The following GAB2 variants were observed in gnomAD, a reference collection of about 807,000 sequenced individuals.
GAB2 encodes GRB2 associated binding protein 2, also known as GRB2-associated-binding protein 2.
Under a neutral mutation model 65.5 loss-of-function variants are expected in GAB2, and 26 were observed. The observed-to-expected ratio is 0.40, with a 90% CI of 0.29 to 0.55. The LOEUF is 0.55. Ranked by LOEUF, GAB2 falls within the 20% of genes least tolerant of loss-of-function variation. The pLI is 0.53. For synonymous variants in GAB2, 321 were observed against 329.6 expected (o/e 0.97, Z 0.28); for missense variants, 884 against 875.8 (o/e 1.01, Z -0.12).
intron 2 of GAB2, among the ~76,000 whole-genome samples, chr11:78,253,404 G>C (rs926411400): frequency 1.7e-4 from 26 of 152,054 alleles, no homozygotes; most frequent in Non-Finnish European, 2.9e-5. Flanking sequence ...CAATCTTCCT[G>C]CCTTAGCCTC....
At chr11:78,345,529 T>C (rs1757476992) in intron 1 of GAB2, among the ~76,000 whole-genome samples, 1 of 152,200 alleles carries the variant, frequency 6.6e-6, no homozygotes, top group African/African-American at 2.4e-5. Context: ...ACACACATTT[T>C]GTAATTCATT....
intron 1 of GAB2, among the ~76,000 whole-genome samples, chr11:78,337,209 C>T (rs1270801536): frequency 6.6e-6 from 1 of 152,236 alleles, no homozygotes; most frequent in African/African-American, 2.4e-5. Flanking sequence ...TAATCATTTG[C>T]TTCTCAGCGT....
In GAB2 at chr11:78,217,310, G is replaced by A. The variant is rs1864196511; in HGVS notation, c.*1962C>T. The A allele has an allele frequency of 6.6e-6, 1 of 152,210 alleles. No homozygotes were observed. Among genetic ancestry groups the A allele is most frequent in the South Asian group, 2.1e-4 (1 of 4,824 alleles). The allele number at this position is 152,210 out of a possible 1,614,324, so 9.4% of individuals were successfully genotyped here. A position where few individuals can be genotyped will look rare whatever the true frequency, so the allele number is the denominator to read the frequency against. On this transcript the variant is annotated 3_prime_UTR_variant, in exon 10 of 10. Transcript: ENST00000361507. Reference sequence around the variant, plus strand: ...TCTGATTGATTCTTGTGTCCTTAGTGCTTAACCCCAGAAACTGGAGACAGC... The same window carrying A: ...TCTGATTGATTCTTGTGTCCTTAGTACTTAACCCCAGAAACTGGAGACAGC...
Position 78,332,864 on chromosome 11 carries a change from A to T in GAB2, c.76-51963T>A, listed in dbSNP as rs369470473. Among the ~76,000 whole-genome samples the T allele has an allele frequency of 3.3e-5, 5 of 152,314 alleles. No homozygotes were observed. The East Asian group carries it at 9.6e-4, about 29-fold the overall frequency. On this transcript the variant is annotated intron_variant, in intron 1 of 9. Coordinates refer to ENST00000361507, the MANE Select transcript of GAB2 (RefSeq NM_080491.3). Reference sequence around the variant, plus strand: ...GAGTTCCCTCATGCCCTAGAGTCTGAGCAGAAATTTGAAGATATAGTTTTT... The same window carrying T: ...GAGTTCCCTCATGCCCTAGAGTCTGTGCAGAAATTTGAAGATATAGTTTTT...
intron 1 of GAB2, among the ~76,000 whole-genome samples, chr11:78,320,006 G>T (rs1855692235): frequency 6.6e-6 from 1 of 151,920 alleles, no homozygotes; most frequent in Admixed American, 6.6e-5. Context: ...CTCCTGAGTA[G>T]CTGGGATTAC....
Position 78,217,206 on chromosome 11 carries a change from C to T in GAB2, c.*2066G>A, listed in dbSNP as rs1162417090. ...TCTGCCCTCCATCAGCATTTGAAGT[C>T]TCTGTCTGATGGCCATCACCACTGT... On this transcript the variant is annotated 3_prime_UTR_variant, in exon 10 of 10. Transcript: ENST00000361507. 6.6e-6 allele frequency: 1 copy of T among 152,422 alleles called. No homozygotes were observed. Among genetic ancestry groups the T allele is most frequent in the African/African-American group, 2.4e-5 (1 of 41,446 alleles). 9.4% of individuals were successfully genotyped at this position (152,422 alleles called of 1,614,324 possible). A position where few individuals can be genotyped will look rare whatever the true frequency, so the allele number is the denominator to read the frequency against.
intron 1 of GAB2, among the ~76,000 whole-genome samples, chr11:78,351,254 CTTT>C (rs1373581473): frequency 6.9e-6 from 1 of 145,310 alleles, no homozygotes; most frequent in Non-Finnish European, 1.5e-5. Flanking sequence ...ACCCAGTGGC[CTTT>C]TTTTTTTTTA....
At chr11:78,231,195 A>C (rs951489034) in intron 3 of GAB2, among the ~76,000 whole-genome samples, 4 of 152,240 alleles carry the variant, frequency 2.6e-5, no homozygotes, top group Non-Finnish European at 1.5e-5. Context: ...AGAATCAAAA[A>C]GAAGTTTGAG....
intron 2 of GAB2, among the ~76,000 whole-genome samples, chr11:78,275,067 T>C (rs1257854803): frequency 6.6e-6 from 1 of 152,226 alleles, no homozygotes; most frequent in Non-Finnish European, 1.5e-5. Flanking sequence ...ATTATGTCTT[T>C]TTGTGGCCAC....
At chr11:78,395,492 C>G (rs903115736) in intron 1 of GAB2, among the ~76,000 whole-genome samples, 2 of 152,212 alleles carry the variant, frequency 1.3e-5, no homozygotes, top group Non-Finnish European at 2.9e-5. Flanking sequence ...CACTTCATAT[C>G]CCAATAGCCA....
At chr11:78,308,643 A>C (rs1855422432) in intron 1 of GAB2, among the ~76,000 whole-genome samples, 1 of 152,252 alleles carries the variant, frequency 6.6e-6, no homozygotes, top group South Asian at 2.1e-4. Context: ...GTGATTTCAA[A>C]AGTTCAAAAA....
chr11:78,348,321 A>G (rs909149696), intron 1 of GAB2, among the ~76,000 whole-genome samples: 3 of 152,232 alleles, frequency 2.0e-5, no homozygotes, highest in Non-Finnish European at 4.4e-5. Context: ...GATTGAAGGA[A>G]ATGTTTAATA....
rs116912804 is a variant in GAB2, at chr11:78,308,033, C to T, written c.76-27132G>A. On this transcript the variant is annotated intron_variant, in intron 1 of 9. Coordinates refer to ENST00000361507, the MANE Select transcript of GAB2 (RefSeq NM_080491.3). ...AACATTTTCTTTTCTGAAGCTGAGA[C>T]ACCCATGTTTCTCTGCCCTTGGACA... Among the ~76,000 whole-genome samples, 919 of 152,286 alleles carry T rather than the reference C, an allele frequency of 6.0e-3. 7 individuals carry two copies. The highest frequency in any genetic ancestry group is 9.0e-3 in the Non-Finnish European group (615 of 68,028).
chr11:78,354,711 C>A (rs1036177788), intron 1 of GAB2, among the ~76,000 whole-genome samples: 2 of 152,164 alleles, frequency 1.3e-5, no homozygotes, highest in African/African-American at 2.4e-5. Flanking sequence ...AATACCAAAC[C>A]CAGAAAAGCT....
intron 1 of GAB2, among the ~76,000 whole-genome samples, chr11:78,303,969 T>A (rs1855294908): frequency 6.6e-6 from 1 of 152,140 alleles, no homozygotes; most frequent in African/African-American, 2.4e-5. Flanking sequence ...AGCAAAGATT[T>A]AGTGAAAATC....
chr11:78,340,898 A>T (rs1856082195), intron 1 of GAB2, among the ~76,000 whole-genome samples: 1 of 152,174 alleles, frequency 6.6e-6, no homozygotes, highest in Non-Finnish European at 1.5e-5. Context: ...TTTCCTCATC[A>T]CAATGGTGAT....
At chr11:78,344,344 A>C (rs1856147425) in intron 1 of GAB2, among the ~76,000 whole-genome samples, 1 of 152,202 alleles carries the variant, frequency 6.6e-6, no homozygotes, top group Non-Finnish European at 1.5e-5. Flanking sequence ...GTTTTTCTTC[A>C]ATCAGGAAAA....
chr11:78,297,013 T>C (rs1866848539), intron 1 of GAB2, among the ~76,000 whole-genome samples: 1 of 152,170 alleles, frequency 6.6e-6, no homozygotes, highest in African/African-American at 2.4e-5. Context: ...CCCCACCTCC[T>C]AATACCAACA....
intron 2 of GAB2, among the ~76,000 whole-genome samples, chr11:78,270,818 T>C (rs1197252565): frequency 6.6e-6 from 1 of 152,248 alleles, no homozygotes; most frequent in African/African-American, 2.4e-5. Context: ...CTGTACATTC[T>C]CCAAGCTTTA....
Sources: allele counts gnomAD v4.1 joint callset (sites outside exome capture counted in the v4.1 genomes callset), GRCh38; gene constraint gnomAD v4.1.1; transcripts MANE v1.5; gene names NCBI Gene and HGNC (gene_info 2026-07-23, HGNC 2026-07-21).